ZSWIM6: variants seen among roughly 807,000 people sequenced by gnomAD.
ZSWIM6 encodes zinc finger SWIM-type containing 6.
Under a neutral mutation model 113.2 loss-of-function variants are expected in ZSWIM6, and 9 were observed. That is an observed-to-expected ratio of 0.08 (90% confidence interval 0.05 to 0.14). The LOEUF (loss-of-function observed/expected upper bound fraction) is 0.14. Ranked by LOEUF, ZSWIM6 falls within the 10% of genes least tolerant of loss-of-function variation. ZSWIM6 has a pLI of 1.00. For synonymous variants in ZSWIM6, 611 were observed against 606.5 expected (o/e 1.01, Z -0.11); for missense variants, 1,162 against 1,552.2 (o/e 0.75, Z 4.22).
intron 1 of ZSWIM6, among the ~76,000 whole-genome samples, chr5:61,356,018 T>C (rs1159624945): frequency 6.6e-6 from 1 of 152,224 alleles, no homozygotes; most frequent in Non-Finnish European, 1.5e-5. Context: ...GATTACATAC[T>C]TGATTTTAAC....
chr5:61,394,114 AT>A, intron 1 of ZSWIM6, among the ~76,000 whole-genome samples: 1 of 152,222 alleles, frequency 6.6e-6, no homozygotes, highest in Non-Finnish European at 1.5e-5. Context: ...CAGAGCAGCC[AT>A]TTATTGATGA....
At chr5:61,529,956 A>T in intron 7 of ZSWIM6, 96 bp from the exon 8 acceptor site, 1 of 1,093,718 alleles carries the variant, frequency 9.1e-7, no homozygotes, top group East Asian at 2.6e-5. Context: ...GTTTATCAGG[A>T]TGCTGCTATT....
intron 10 of ZSWIM6, among the ~76,000 whole-genome samples, chr5:61,537,275 C>A (rs548611586): frequency 2.0e-5 from 3 of 152,176 alleles, no homozygotes; most frequent in Admixed American, 6.5e-5. Flanking sequence ...TAGCAGGGTA[C>A]AGGGGAATTT....
chr5:61,420,911 G>A (rs985500751), intron 1 of ZSWIM6, among the ~76,000 whole-genome samples: 12 of 138,726 alleles, frequency 8.7e-5, no homozygotes, highest in South Asian at 2.3e-4. Flanking sequence ...GGTCTTATTC[G>A]TTCTATTTTT....
intron 1 of ZSWIM6, among the ~76,000 whole-genome samples, chr5:61,377,750 G>T (rs941293671): frequency 6.7e-6 from 1 of 150,348 alleles, no homozygotes; most frequent in Non-Finnish European, 1.5e-5. Context: ...CAAAAGACAA[G>T]TTTGAAAAAT....
intron 7 of ZSWIM6, among the ~76,000 whole-genome samples, chr5:61,526,765 C>T (rs79667813): frequency 0.14 from 21,294 of 152,112 alleles, 1,633 homozygotes; most frequent in Non-Finnish European, 0.18. Context: ...GCTTGAATCC[C>T]GGCAATCCTA....
At chr5:61,337,947 T>C (rs1019375989) in intron 1 of ZSWIM6, among the ~76,000 whole-genome samples, 1 of 152,124 alleles carries the variant, frequency 6.6e-6, no homozygotes, top group Non-Finnish European at 1.5e-5. Flanking sequence ...TAATTTATAT[T>C]GTTTTGGTGT....
intron 1 of ZSWIM6, among the ~76,000 whole-genome samples, chr5:61,467,288 A>G (rs567108078): frequency 6.6e-6 from 1 of 152,216 alleles, no homozygotes; most frequent in East Asian, 1.9e-4. Context: ...TATCTTTATT[A>G]AAAAATCTGC....
In ZSWIM6 at chr5:61,544,951, A is replaced by G. The variant is rs1363430955; in HGVS notation, c.*634A>G. On this transcript the variant is annotated 3_prime_UTR_variant, in exon 14 of 14. Coordinates refer to ENST00000252744, the MANE Select transcript of ZSWIM6 (RefSeq NM_020928.2). ...AAAAAATTAAAAAAAGAATGAGAGC[A>G]TTTATTGTACTGTATATATATTATA... The G allele has an allele frequency of 6.6e-6, 1 of 152,160 alleles. No homozygotes were observed. Among genetic ancestry groups the G allele is most frequent in the East Asian group, 1.9e-4 (1 of 5,202 alleles). 9.4% of individuals were successfully genotyped at this position (152,160 alleles called of 1,614,324 possible).
intron 1 of ZSWIM6, among the ~76,000 whole-genome samples, chr5:61,393,219 T>C (rs1378348307): frequency 6.6e-6 from 1 of 151,482 alleles, no homozygotes; most frequent in Non-Finnish European, 1.5e-5. Context: ...TTTTTTTTTT[T>C]GTATTTTTAG....
At chr5:61,392,415 A>C (rs1740541598) in intron 1 of ZSWIM6, among the ~76,000 whole-genome samples, 1 of 152,168 alleles carries the variant, frequency 6.6e-6, no homozygotes. Context: ...TTCTGTAGGG[A>C]ATTCAGACAA....
In ZSWIM6 at chr5:61,520,006, T is replaced by TA. The variant is rs758842510; in HGVS notation, c.1334-1257_1334-1256insA. ...GAGGCAGAACTTAGATGGTAATACT[T>TA]GTTCGTCTGCCATTCACCTCCTGCT... On this transcript the variant is annotated intron_variant, in intron 4 of 13. Transcript: ENST00000252744. Among the ~76,000 whole-genome samples, 20 of 152,306 alleles carry TA rather than the reference T, an allele frequency of 1.3e-4. No homozygotes were observed. In the Middle Eastern group the frequency reaches 0.01, roughly 78 times the overall value.
In ZSWIM6 at chr5:61,407,837, C is replaced by G. The variant is rs1206961224; in HGVS notation, c.677-64844C>G. ...ATAAAATAAGCTTGAGAGAGAGCCT[C>G]TTATCTGAATTCTGGGACAGCCTGA... On this transcript the variant is annotated intron_variant, in intron 1 of 13. Transcript: ENST00000252744. Among the ~76,000 whole-genome samples, 4 of 152,168 alleles carry G rather than the reference C, an allele frequency of 2.6e-5. No individual in the cohort carries two copies. In the East Asian group the frequency reaches 5.8e-4, roughly 22 times the overall value.
chr5:61,332,991 T>C (rs1307676305), intron 1 of ZSWIM6, 43 bp downstream of exon 1: 47 of 254,024 alleles, frequency 1.9e-4, no homozygotes, highest in Non-Finnish European at 2.8e-4. Flanking sequence ...CGTCCGTCAG[T>C]CCCTGGGTGG....
intron 4 of ZSWIM6, among the ~76,000 whole-genome samples, chr5:61,510,895 C>T (rs892876347): frequency 1.3e-5 from 2 of 151,938 alleles, no homozygotes; most frequent in Non-Finnish European, 1.5e-5. Context: ...TGGTTTGGGC[C>T]GAGTCCTTAA....
chr5:61,432,316 T>G (rs998948691), intron 1 of ZSWIM6, among the ~76,000 whole-genome samples: 1 of 152,202 alleles, frequency 6.6e-6, no homozygotes, highest in African/African-American at 2.4e-5. Context: ...GGATTCAGCT[T>G]GTAAGCCAAG....
chr5:61,359,469 T>TCC (rs1744986494), intron 1 of ZSWIM6, among the ~76,000 whole-genome samples: 1 of 151,960 alleles, frequency 6.6e-6, no homozygotes, highest in Admixed American at 6.6e-5. Context: ...AGCAGAGAAA[T>TCC]CCCTGGGGAG....
chr5:61,541,842 C>G (rs955175871), intron 12 of ZSWIM6, 42 bp from the exon 13 acceptor site: 1 of 1,467,740 alleles, frequency 6.8e-7, no homozygotes, highest in African/African-American at 1.4e-5. Context: ...TTCATTGACT[C>G]AGGATAATTT....
At chr5:61,473,175 C>A in intron 2 of ZSWIM6, 138 bp downstream of exon 2, 1 of 549,940 alleles carries the variant, frequency 1.8e-6, no homozygotes, top group Non-Finnish European at 3.0e-6. Flanking sequence ...GAGATTTTTA[C>A]ATTTGTATTC....
Sources: allele counts gnomAD v4.1 joint callset (sites outside exome capture counted in the v4.1 genomes callset), GRCh38; gene constraint gnomAD v4.1.1; transcripts MANE v1.5; gene names NCBI Gene and HGNC (gene_info 2026-07-23, HGNC 2026-07-21).